The following PLXDC2 variants were observed in gnomAD, a reference collection of about 807,000 sequenced individuals.
PLXDC2 encodes the protein plexin domain-containing protein 2.
PLXDC2 carries 40 observed loss-of-function variants against 68.9 expected under a neutral mutation model. The ratio of observed to expected loss-of-function variants is 0.58; its 90% CI spans 0.45 to 0.76. PLXDC2 has a LOEUF of 0.76. Ranked by LOEUF, PLXDC2 falls within the 30% of genes least tolerant of loss-of-function variation. The probability of loss-of-function intolerance (pLI) is 0.00; values close to 1 mark genes in which losing one functional copy is unlikely to be tolerated. For missense variants in PLXDC2, 644 were observed against 661.9 expected (o/e 0.97, Z 0.30); for synonymous variants, 243 against 234.2 (o/e 1.04, Z -0.34).
chr10:20,020,177 A>ATT (rs1564659038), intron 2 of PLXDC2, among the ~76,000 whole-genome samples: 4 of 98,188 alleles, frequency 4.1e-5, no homozygotes, highest in African/African-American at 1.8e-4. Flanking sequence ...ACACCCAGCA[A>ATT]ATTTTTTTTT....
At chr10:19,991,634 G>A (rs1001690513) in intron 1 of PLXDC2, among the ~76,000 whole-genome samples, 1 of 151,900 alleles carries the variant, frequency 6.6e-6, no homozygotes, top group Non-Finnish European at 1.5e-5. Context: ...AGTCAGCCTG[G>A]GCTCAATGTT....
chr10:19,837,567 G>A (rs1048457523), intron 1 of PLXDC2, among the ~76,000 whole-genome samples: 3 of 152,064 alleles, frequency 2.0e-5, no homozygotes, highest in Admixed American at 1.3e-4. Context: ...GAATGCTAAG[G>A]TGGTTACATA....
intron 1 of PLXDC2, among the ~76,000 whole-genome samples, chr10:19,970,032 T>C (rs1589562464): frequency 6.6e-6 from 1 of 152,182 alleles, no homozygotes; most frequent in Admixed American, 6.5e-5. Flanking sequence ...ATAGAGGGCA[T>C]TGGAAGAAGT....
Position 20,191,386 on chromosome 10 carries a change from C to T in PLXDC2, c.1061+13977C>T, listed in dbSNP as rs551213120. 2.6e-5 allele frequency among the ~76,000 whole-genome samples: 4 copies of T among 151,888 alleles called. No homozygotes were observed. In the South Asian group the frequency reaches 8.3e-4, roughly 32 times the overall value. ...GAACTATTCTTATTCTCTGCATGAACCATGGCCTTGGCTGCAACAATTTCT... is the reference window on the plus strand; with the variant it reads ...GAACTATTCTTATTCTCTGCATGAATCATGGCCTTGGCTGCAACAATTTCT... On this transcript the variant is annotated intron_variant, in intron 9 of 13. Transcript: ENST00000377252.
chr10:20,184,003 A>G (rs1293340068), intron 9 of PLXDC2, among the ~76,000 whole-genome samples: 1 of 151,410 alleles, frequency 6.6e-6, no homozygotes, highest in Admixed American at 6.6e-5. Context: ...AAATAAAAGT[A>G]TTCCATGATT....
chr10:19,883,982 C>G (rs1425446519), intron 1 of PLXDC2, among the ~76,000 whole-genome samples: 2 of 143,058 alleles, frequency 1.4e-5, no homozygotes, highest in Admixed American at 7.2e-5. Flanking sequence ...ACTGCAGCCT[C>G]AACTTCCTGG....
Position 20,163,225 on chromosome 10 carries a change from G to A in PLXDC2, c.784-1243G>A, listed in dbSNP as rs182322831. ...AAACACTTTAACGTTGTTTAAGAGA[G>A]ACCTGAAATAATACATTAAGGGAAA... On this transcript the variant is annotated intron_variant, in intron 6 of 13. Coordinates refer to ENST00000377252, the MANE Select transcript of PLXDC2 (RefSeq NM_032812.9). Among the ~76,000 whole-genome samples the A allele has an allele frequency of 2.6e-5, 4 of 152,236 alleles. No individual in the cohort carries two copies. In the East Asian group the frequency reaches 7.7e-4, roughly 29 times the overall value.
At chr10:20,251,355 T>C (rs1037868499) in intron 13 of PLXDC2, among the ~76,000 whole-genome samples, 2 of 152,170 alleles carry the variant, frequency 1.3e-5, no homozygotes, top group East Asian at 1.9e-4. Context: ...AAAATGAAAT[T>C]TATTATCTTG....
At chr10:19,853,335 G>A (rs1837155264) in intron 1 of PLXDC2, among the ~76,000 whole-genome samples, 1 of 152,100 alleles carries the variant, frequency 6.6e-6, no homozygotes, top group Admixed American at 6.5e-5. Context: ...TGCATGTGTT[G>A]TAATTAGATT....
At chr10:20,229,526 A>G (rs1397511829) in intron 12 of PLXDC2, among the ~76,000 whole-genome samples, 3 of 151,798 alleles carry the variant, frequency 2.0e-5, no homozygotes, top group Non-Finnish European at 4.4e-5. Context: ...GCAAAAAAAA[A>G]AAAAAAAAAA....
chr10:20,221,454 G>C (rs1266313570), intron 12 of PLXDC2, among the ~76,000 whole-genome samples: 7 of 152,098 alleles, frequency 4.6e-5, no homozygotes. Flanking sequence ...ATCACAATTA[G>C]ACTTCAGACT....
chr10:20,252,308 C>CA (rs1000649930), intron 13 of PLXDC2, among the ~76,000 whole-genome samples: 3 of 152,048 alleles, frequency 2.0e-5, no homozygotes, highest in African/African-American at 7.2e-5. Context: ...AATCTGAGTA[C>CA]AAAAAATAAT....
At chr10:19,861,824 T>G (rs1386773135) in intron 1 of PLXDC2, among the ~76,000 whole-genome samples, 1 of 152,300 alleles carries the variant, frequency 6.6e-6, no homozygotes, top group African/African-American at 2.4e-5. Context: ...TGCTAATATC[T>G]CCATTGGACT....
chr10:19,945,478 A>T (rs1313392612), intron 1 of PLXDC2, among the ~76,000 whole-genome samples: 2 of 152,180 alleles, frequency 1.3e-5, no homozygotes, highest in Admixed American at 6.5e-5. Context: ...CTCACTGAGG[A>T]TCTGCTTTGC....
At chr10:20,082,070 A>AAAAAAACAAAAAC (rs1554765384) in intron 4 of PLXDC2, among the ~76,000 whole-genome samples, 93 of 121,986 alleles carry the variant, frequency 7.6e-4, no homozygotes, top group Non-Finnish European at 1.4e-3. Context: ...AAATCAAAAA[A>AAAAAAACAAAAAC]AAAAAACAGG....
At chr10:20,161,651 G>T (rs1834293813) in intron 6 of PLXDC2, among the ~76,000 whole-genome samples, 1 of 151,820 alleles carries the variant, frequency 6.6e-6, no homozygotes, top group South Asian at 2.1e-4. Flanking sequence ...AAGGAAGGGG[G>T]TGAAAGGAAG....
rs1422783998 is a variant in PLXDC2 at position 20,286,912 on chromosome 10, CG to C, written c.*7097del. ...GCTAATTTTGTATTTTTAGTAGAGA[CG>C]GGGTTTCTCCATGCTGGTCAGGCTG... On this transcript the variant is annotated 3_prime_UTR_variant, in exon 14 of 14. Transcript: ENST00000377252. 2 of 152,122 alleles carry C rather than the reference CG, an allele frequency of 1.3e-5. No individual in the cohort carries two copies. The highest frequency in any genetic ancestry group is 1.9e-4 in the East Asian group (1 of 5,180). 9.4% of individuals were successfully genotyped at this position (152,122 alleles called of 1,614,324 possible). A position where few individuals can be genotyped will look rare whatever the true frequency, so the allele number is the denominator to read the frequency against.
At chr10:20,071,455 G>T (rs1429930047) in intron 4 of PLXDC2, among the ~76,000 whole-genome samples, 1 of 152,182 alleles carries the variant, frequency 6.6e-6, no homozygotes, top group East Asian at 1.9e-4. Flanking sequence ...ATGGGGGCAG[G>T]TCTTTCCTGT....
intron 6 of PLXDC2, among the ~76,000 whole-genome samples, chr10:20,152,854 T>C (rs539677825): frequency 5.3e-5 from 8 of 152,258 alleles, no homozygotes; most frequent in Admixed American, 1.3e-4. Context: ...GTTTACAAAG[T>C]ACCAAAGTAC....
Sources: allele counts gnomAD v4.1 joint callset (sites outside exome capture counted in the v4.1 genomes callset), GRCh38; gene constraint gnomAD v4.1.1; transcripts MANE v1.5; gene names NCBI Gene and HGNC (gene_info 2026-07-23, HGNC 2026-07-21).